Variants in PTPRM observed in about 807,000 individuals in gnomAD.
PTPRM encodes protein tyrosine phosphatase receptor type M.
Under a neutral mutation model 186.7 loss-of-function variants are expected in PTPRM, and 47 were observed. That is an observed-to-expected ratio of 0.25 (90% confidence interval 0.20 to 0.32). PTPRM has a LOEUF of 0.32. PTPRM is among the 10% of genes least tolerant of loss of function. The probability of loss-of-function intolerance (pLI) is 1.00; values close to 1 mark genes in which losing one functional copy is unlikely to be tolerated. For synonymous variants in PTPRM, 668 were observed against 674.9 expected, an observed-to-expected ratio of 0.99 and a Z score of 0.16; for missense variants, 1,494 against 1,865.0, an observed-to-expected ratio of 0.80 and a Z score of 3.66.
intron 23 of PTPRM, among the ~76,000 whole-genome samples, chr18:8,370,127 G>A (rs1180364211): frequency 2.0e-5 from 3 of 150,232 alleles, no homozygotes; most frequent in East Asian, 2.0e-4. Context: ...AGGTGGTCAC[G>A]TGTTCCTGCC....
chr18:7,862,359 C>A (rs1043517864), intron 2 of PTPRM, among the ~76,000 whole-genome samples: 3 of 152,164 alleles, frequency 2.0e-5, no homozygotes, highest in Admixed American at 2.0e-4. Context: ...GTCACAAATA[C>A]TGCTAATAAA....
At chr18:8,155,854 C>G (rs956226049) in intron 14 of PTPRM, among the ~76,000 whole-genome samples, 16 of 152,158 alleles carry the variant, frequency 1.1e-4, no homozygotes, top group Admixed American at 6.5e-4. Context: ...GGTCTGGATG[C>G]ATTATTCAAA....
intron 5 of PTPRM, among the ~76,000 whole-genome samples, chr18:7,932,665 CTGT>C (rs1568032515): frequency 5.1e-4 from 78 of 152,148 alleles, no homozygotes; most frequent in African/African-American, 1.8e-3. Flanking sequence ...CTCAGATTTA[CTGT>C]GATTTACCTG....
At chr18:7,591,367 C>T (rs531525073) in intron 1 of PTPRM, among the ~76,000 whole-genome samples, 6 of 152,278 alleles carry the variant, frequency 3.9e-5, no homozygotes, top group Non-Finnish European at 8.8e-5. Context: ...GGAGAAGCAG[C>T]TTGCCAGTGG....
At chr18:8,303,457 T>G (rs546999810) in intron 20 of PTPRM, among the ~76,000 whole-genome samples, 1 of 152,202 alleles carries the variant, frequency 6.6e-6, no homozygotes, top group Non-Finnish European at 1.5e-5. Context: ...TCTCTGCTAA[T>G]TGAGTGACTC....
At chr18:8,063,167 G>A (rs1221639456) in intron 7 of PTPRM, among the ~76,000 whole-genome samples, 2 of 151,258 alleles carry the variant, frequency 1.3e-5, no homozygotes, top group African/African-American at 2.4e-5. Flanking sequence ...GTGGTGCGCC[G>A]TTTTTTAAGC....
Position 7,708,902 on chromosome 18 carries a change from C to G in PTPRM, c.74-65247C>G, listed in dbSNP as rs114982629. ...ATGATTTATCAAAAATAGTACTAAA[C>G]TATTATAGAGTGTTGAAAAATGTGT... On this transcript the variant is annotated intron_variant, in intron 1 of 32. Coordinates refer to ENST00000580170, the MANE Select transcript of PTPRM (RefSeq NM_001105244.2). Among the ~76,000 whole-genome samples the G allele has an allele frequency of 7.4e-3, 1,130 of 152,172 alleles. 11 individuals are homozygous for G. The highest frequency in any genetic ancestry group is 0.026 in the African/African-American group (1,082 of 41,538).
chr18:8,164,174 A>G (rs899501036), intron 14 of PTPRM, among the ~76,000 whole-genome samples: 1 of 152,244 alleles, frequency 6.6e-6, no homozygotes. Flanking sequence ...AGACTGTGTT[A>G]GCCAAGAAGT....
intron 1 of PTPRM, among the ~76,000 whole-genome samples, chr18:7,650,221 C>T (rs1308183219): frequency 3.3e-5 from 5 of 152,102 alleles, no homozygotes; most frequent in African/African-American, 1.2e-4. Context: ...TTCAAGGGGC[C>T]CTGGAACCAA....
At chr18:8,326,325 G>A (rs1444808323) in intron 22 of PTPRM, among the ~76,000 whole-genome samples, 1 of 152,148 alleles carries the variant, frequency 6.6e-6, no homozygotes, top group African/African-American at 2.4e-5. Flanking sequence ...CTCATGGATA[G>A]GAAGAAGCAA....
chr18:7,574,844 A>C (rs943768506), intron 1 of PTPRM, among the ~76,000 whole-genome samples: 1 of 152,178 alleles, frequency 6.6e-6, no homozygotes, highest in African/African-American at 2.4e-5. Flanking sequence ...ATCCTGGCTA[A>C]CGTGGTGAAA....
chr18:7,756,697 A>G (rs1332235627), intron 1 of PTPRM, among the ~76,000 whole-genome samples: 1 of 152,188 alleles, frequency 6.6e-6, no homozygotes, highest in Non-Finnish European at 1.5e-5. Flanking sequence ...TATACAATAT[A>G]TATATACAAT....
At chr18:8,376,385 C>A (rs1447642938) in intron 25 of PTPRM, 77 bp from the exon 26 acceptor site, 11 of 1,597,806 alleles carry the variant, frequency 6.9e-6, no homozygotes, top group African/African-American at 6.7e-5. Flanking sequence ...TAAATTTCAC[C>A]TCGATAAAAA....
At chr18:7,980,621 C>T (rs1043261593) in intron 7 of PTPRM, among the ~76,000 whole-genome samples, 9 of 152,098 alleles carry the variant, frequency 5.9e-5, no homozygotes, top group African/African-American at 1.9e-4. Flanking sequence ...TGGGCTCAAA[C>T]AGTCCTCCCA....
chr18:8,334,029 T>C (rs1421150986), intron 22 of PTPRM, among the ~76,000 whole-genome samples: 1 of 152,222 alleles, frequency 6.6e-6, no homozygotes, highest in Non-Finnish European at 1.5e-5. Flanking sequence ...GCAGTGCTGC[T>C]GTAACAAAGG....
At chr18:7,928,725 C>G (rs1330542830) in intron 5 of PTPRM, among the ~76,000 whole-genome samples, 1 of 152,196 alleles carries the variant, frequency 6.6e-6, no homozygotes, top group Non-Finnish European at 1.5e-5. Flanking sequence ...AGTCTAAGCT[C>G]TCGCCTTAAC....
At chr18:7,575,038 CAG>C (rs1441445111) in intron 1 of PTPRM, among the ~76,000 whole-genome samples, 1 of 152,096 alleles carries the variant, frequency 6.6e-6, no homozygotes, top group Non-Finnish European at 1.5e-5. Context: ...TCTCAAAAAA[CAG>C]AAAAAAATAA....
At chr18:7,706,037 A>G (rs571888804) in intron 1 of PTPRM, among the ~76,000 whole-genome samples, 6 of 148,810 alleles carry the variant, frequency 4.0e-5, no homozygotes, top group African/African-American at 1.5e-4. Context: ...AACATACTAT[A>G]TATGTGTGTG....
intron 1 of PTPRM, among the ~76,000 whole-genome samples, chr18:7,625,538 A>C (rs1256174154): frequency 7.6e-6 from 1 of 132,204 alleles, no homozygotes; most frequent in East Asian, 2.3e-4. Context: ...GGAGTTTGAG[A>C]GGTTCTTTTT....
Sources: gnomAD v4.1 joint callset for allele counts (sites outside exome capture counted in the v4.1 genomes callset) on GRCh38, gnomAD v4.1.1 for gene constraint, MANE v1.5 for transcripts, NCBI Gene and HGNC (gene_info 2026-07-23, HGNC 2026-07-21) for gene names.